LPCAT2: variants seen among roughly 807,000 people sequenced by gnomAD.
LPCAT2 encodes the protein 1-AGP acyltransferase 11.
A neutral mutation model predicts 64.7 loss-of-function variants in LPCAT2; 58 were observed. The ratio of observed to expected loss-of-function variants is 0.90; its 90% confidence interval spans 0.73 to 1.12. LPCAT2 has a LOEUF of 1.12. Among genes scored for constraint, LPCAT2 ranks in the 50% most tolerant of loss-of-function variants. LPCAT2 has a pLI of 0.00. For missense variants in LPCAT2, 579 were observed against 669.8 expected, an observed-to-expected ratio of 0.86 and a Z score of 1.50; for synonymous variants, 252 against 245.3, an observed-to-expected ratio of 1.03 and a Z score of -0.26.
chr16:55,512,818 C>T (rs1020721224), intron 1 of LPCAT2, among the ~76,000 whole-genome samples: 2 of 152,200 alleles, frequency 1.3e-5, no homozygotes, highest in African/African-American at 4.8e-5. Flanking sequence ...TACACTGAAA[C>T]CTCACAAAGG....
rs375697511 is a variant in LPCAT2, at chr16:55,532,284, T to G, written c.703+310T>G. On this transcript the variant is annotated intron_variant, in intron 5 of 13. Coordinates refer to ENST00000262134, the MANE Select transcript of LPCAT2 (RefSeq NM_017839.5). ...AAGTAGAAAACCTATCTCATTATCA[T>G]TATAATGTCTTCAGATGCTTTCTAA... 59 of 220,322 alleles carry G rather than the reference T, an allele frequency of 2.7e-4. 1 individual carries two copies. In the East Asian group the frequency reaches 3.5e-3, roughly 13 times the overall value. The allele number at this position is 220,322 out of a possible 1,614,324, so 13.6% of individuals were successfully genotyped here.
intron 11 of LPCAT2, among the ~76,000 whole-genome samples, chr16:55,574,005 T>C (rs1190696838): frequency 2.0e-5 from 3 of 152,192 alleles, no homozygotes; most frequent in Non-Finnish European, 4.4e-5. Flanking sequence ...AAATGCCTCC[T>C]AAGGTATATT....
rs1567409259 is a variant in LPCAT2 at position 55,583,024 on chromosome 16, A to AC, written c.1566dup (p.Ser523LeufsTer5). On this transcript the variant is annotated frameshift_variant, in exon 14 of 14. Transcript: ENST00000262134. LOFTEE classifies it high-confidence loss of function. ...TTCATTACCAAAAGAAGTCCAGACA[A>AC]CCCCCTCCACCGCCAGTAATAAAGT... The AC allele has an allele frequency of 6.2e-7, 1 of 1,613,728 alleles. No homozygotes were observed. The highest frequency in any genetic ancestry group is 1.1e-5 in the South Asian group (1 of 91,072).
At chr16:55,552,624 A>G (rs1458422554) in intron 11 of LPCAT2, among the ~76,000 whole-genome samples, 1 of 152,222 alleles carries the variant, frequency 6.6e-6, no homozygotes, top group Non-Finnish European at 1.5e-5. Flanking sequence ...AGTGAGCCAT[A>G]TGCAGTTTTT....
chr16:55,546,370 A>G (rs1596869807), intron 9 of LPCAT2, among the ~76,000 whole-genome samples: 1 of 152,186 alleles, frequency 6.6e-6, no homozygotes, highest in South Asian at 2.1e-4. Context: ...CTATCTTGTA[A>G]TGAAAGAATG....
chr16:55,585,024 A>T lies in LPCAT2; in HGVS notation c.*1926A>T, dbSNP rs375497955. On this transcript the variant is annotated 3_prime_UTR_variant, in exon 14 of 14. Transcript: ENST00000262134. Reference sequence around the variant, plus strand: ...ATTAATCATGAAAGCGTAGCATTGTAAATTAAAGGTTTTCTTTGAGGCTCT... The same window carrying T: ...ATTAATCATGAAAGCGTAGCATTGTTAATTAAAGGTTTTCTTTGAGGCTCT... 5 of 152,194 alleles carry T rather than the reference A, an allele frequency of 3.3e-5. No individual in the cohort carries two copies. Among genetic ancestry groups the T allele is most frequent in the East Asian group, 3.8e-4 (2 of 5,202 alleles). The allele number at this position is 152,194 out of a possible 1,614,324, so 9.4% of individuals were successfully genotyped here. A position where few individuals can be genotyped will look rare whatever the true frequency, so the allele number is the denominator to read the frequency against.
intron 11 of LPCAT2, chr16:55,566,819 C>T: frequency 6.2e-7 from 1 of 1,613,586 alleles, no homozygotes; most frequent in Non-Finnish European, 8.5e-7. Flanking sequence ...CTCTTGGAGG[C>T]CTCTTTGGAG....
intron 13 of LPCAT2, among the ~76,000 whole-genome samples, chr16:55,582,136 T>G (rs1329294888): frequency 6.6e-6 from 1 of 152,110 alleles, no homozygotes; most frequent in Non-Finnish European, 1.5e-5. Context: ...GAAAACTAAA[T>G]AAAACATATA....
intron 11 of LPCAT2, among the ~76,000 whole-genome samples, chr16:55,566,431 C>T (rs1420977258): frequency 6.6e-6 from 1 of 152,058 alleles, no homozygotes; most frequent in Non-Finnish European, 1.5e-5. Context: ...AGACAGAGGA[C>T]TAAGAAATCA....
At chr16:55,566,975 A>G (rs1440866048) in intron 11 of LPCAT2, 6 of 1,613,806 alleles carry the variant, frequency 3.7e-6, no homozygotes. Flanking sequence ...TGGAGGCCTC[A>G]GAAAGTGAGG....
intron 11 of LPCAT2, among the ~76,000 whole-genome samples, chr16:55,551,501 C>T (rs2142400371): frequency 6.6e-6 from 1 of 152,100 alleles, no homozygotes; most frequent in Non-Finnish European, 1.5e-5. Flanking sequence ...TATATCAAAA[C>T]TCATACATTG....
At chr16:55,552,664 A>G (rs1450021152) in intron 11 of LPCAT2, among the ~76,000 whole-genome samples, 5 of 152,220 alleles carry the variant, frequency 3.3e-5, no homozygotes, top group Non-Finnish European at 7.3e-5. Flanking sequence ...AAGTTTATTT[A>G]TAATATACAG....
chr16:55,574,900 A>G (rs1214167818), intron 12 of LPCAT2, among the ~76,000 whole-genome samples, 171 bp downstream of exon 12: 1 of 152,204 alleles, frequency 6.6e-6, no homozygotes, highest in African/African-American at 2.4e-5. Flanking sequence ...AAGAAAACAC[A>G]AGCATTTATT....
At chr16:55,567,461 A>G in intron 11 of LPCAT2, 1 of 1,613,748 alleles carries the variant, frequency 6.2e-7, no homozygotes, top group Non-Finnish European at 8.5e-7. Flanking sequence ...GCCTGATTCA[A>G]GTGTCTATCA....
At chr16:55,510,961 GTT>G (rs1419287239) in intron 1 of LPCAT2, among the ~76,000 whole-genome samples, 7 of 152,164 alleles carry the variant, frequency 4.6e-5, no homozygotes, top group Admixed American at 3.9e-4. Flanking sequence ...GTTTGTTACT[GTT>G]TAAAGATCTC....
intron 11 of LPCAT2, chr16:55,567,543 G>T (rs1414350398): frequency 1.3e-6 from 2 of 1,580,782 alleles, no homozygotes; most frequent in South Asian, 2.3e-5. Context: ...TGGAGGACAG[G>T]ACTGAAAACC....
chr16:55,537,092 T>C (rs1445326009), intron 7 of LPCAT2, among the ~76,000 whole-genome samples: 1 of 152,050 alleles, frequency 6.6e-6, no homozygotes, highest in African/African-American at 2.4e-5. Flanking sequence ...TTGGGTAGTT[T>C]CTCTAGAGAC....
chr16:55,521,469 C>T lies in LPCAT2; in HGVS notation c.172-4039C>T, dbSNP rs1354399448. 8.6e-5 allele frequency among the ~76,000 whole-genome samples: 13 copies of T among 151,792 alleles called. No individual in the cohort carries two copies. In the East Asian group the frequency reaches 2.3e-3, roughly 27 times the overall value. ...TAGAGAAGTGTGGAACAGTACCTAA[C>T]TAGTTTTATGGGGCTAACATTACCT... On this transcript the variant is annotated intron_variant, in intron 1 of 13. Coordinates refer to ENST00000262134, the MANE Select transcript of LPCAT2 (RefSeq NM_017839.5).
At chr16:55,522,825 G>A (rs1439874819) in intron 1 of LPCAT2, among the ~76,000 whole-genome samples, 1 of 151,496 alleles carries the variant, frequency 6.6e-6, no homozygotes, top group East Asian at 1.9e-4. Context: ...ATTGATCATA[G>A]ATTGAAATGT....
Sources: allele counts gnomAD v4.1 joint callset (sites outside exome capture counted in the v4.1 genomes callset), GRCh38; gene constraint gnomAD v4.1.1; transcripts MANE v1.5; gene names NCBI Gene and HGNC (gene_info 2026-07-23, HGNC 2026-07-21).